MCPH1: variants seen among roughly 807,000 people sequenced by gnomAD.
MCPH1 encodes microcephalin.
Under a neutral mutation model 84.5 loss-of-function variants are expected in MCPH1, and 104 were observed. The observed-to-expected ratio is 1.23, with a 90% CI of 1.05 to 1.45. The LOEUF (loss-of-function observed/expected upper bound fraction) is 1.45. MCPH1 is among the 40% of genes most tolerant of loss of function. MCPH1 has a pLI of 0.00. For missense variants in MCPH1, 1,498 were observed against 1,005.7 expected (o/e 1.49, Z -6.62); for synonymous variants, 514 against 366.8 (o/e 1.40, Z -4.58).
At chr8:6,602,182 CT>C (rs1829423464) in intron 12 of MCPH1, among the ~76,000 whole-genome samples, 1 of 152,216 alleles carries the variant, frequency 6.6e-6, no homozygotes, top group African/African-American at 2.4e-5. Flanking sequence ...AGCAGAAAGA[CT>C]TAGGAAGGGT....
chr8:6,640,081 TGTGTGTGTGTGTGTGTGCGCGCGC>T (rs975357886), intron 13 of MCPH1, among the ~76,000 whole-genome samples: 17 of 144,586 alleles, frequency 1.2e-4, no homozygotes, highest in Non-Finnish European at 1.5e-4. Flanking sequence ...TGTGTGTGTG[TGTGTGTGTGTGTGTGTGCGCGCGC>T]GTGTGTGTGT....
intron 12 of MCPH1, among the ~76,000 whole-genome samples, chr8:6,583,464 G>A (rs757463198): frequency 6.6e-6 from 1 of 152,356 alleles, no homozygotes; most frequent in East Asian, 1.9e-4. Context: ...TGCCATCTGG[G>A]ATGTGCATGT....
intron 12 of MCPH1, among the ~76,000 whole-genome samples, chr8:6,596,850 C>T (rs991887438): frequency 6.6e-6 from 1 of 152,130 alleles, no homozygotes; most frequent in Non-Finnish European, 1.5e-5. Flanking sequence ...CATTATTGAC[C>T]ATGAAATAGC....
At chr8:6,601,781 C>A (rs1829395212) in intron 12 of MCPH1, among the ~76,000 whole-genome samples, 1 of 151,342 alleles carries the variant, frequency 6.6e-6, no homozygotes, top group South Asian at 2.1e-4. Flanking sequence ...AATCACGTAC[C>A]ACATATACCC....
chr8:6,638,371 T>C (rs937099272), intron 13 of MCPH1, among the ~76,000 whole-genome samples: 5 of 152,142 alleles, frequency 3.3e-5, no homozygotes, highest in African/African-American at 1.2e-4. Flanking sequence ...CTTGAACTTC[T>C]GTACATTGTA....
chr8:6,563,037 A>G (rs781254981), intron 12 of MCPH1: 39 of 1,303,280 alleles, frequency 3.0e-5, no homozygotes, highest in Non-Finnish European at 3.1e-5. Context: ...CTACGCTGCC[A>G]TGGCTGGGTC....
At chr8:6,446,195 A>G (rs774844761) in intron 8 of MCPH1, 74 of 896,890 alleles carry the variant, frequency 8.3e-5, no homozygotes, top group Middle Eastern at 5.7e-4. Context: ...ATAATAAACC[A>G]TATCATTTTA....
chr8:6,476,157 G>A (rs189336324), intron 9 of MCPH1, among the ~76,000 whole-genome samples: 57 of 152,212 alleles, frequency 3.7e-4, no homozygotes, highest in Admixed American at 7.2e-4. Flanking sequence ...GGCCAGGCGC[G>A]GTGGCTCACC....
At chr8:6,455,531 G>A (rs559555391) in intron 9 of MCPH1, among the ~76,000 whole-genome samples, 4 of 152,160 alleles carry the variant, frequency 2.6e-5, no homozygotes, top group Non-Finnish European at 5.9e-5. Flanking sequence ...AATGTTGGTT[G>A]TGCCAGTGTT....
intron 12 of MCPH1, among the ~76,000 whole-genome samples, chr8:6,613,016 G>C (rs751146624): frequency 2.6e-5 from 4 of 152,252 alleles, no homozygotes; most frequent in Non-Finnish European, 5.9e-5. Flanking sequence ...AGGAAGACCT[G>C]ATGGAGCGTG....
intron 8 of MCPH1, among the ~76,000 whole-genome samples, chr8:6,448,062 A>C (rs1804653993): frequency 6.6e-6 from 1 of 152,154 alleles, no homozygotes; most frequent in Non-Finnish European, 1.5e-5. Context: ...GGTGCTCTTC[A>C]AGTTTGTGGG....
chr8:6,420,532 T>C (rs1403372924), intron 3 of MCPH1, among the ~76,000 whole-genome samples: 1 of 152,188 alleles, frequency 6.6e-6, no homozygotes, highest in African/African-American at 2.4e-5. Context: ...TGCTTTTTTT[T>C]CGGGGAGGGA....
chr8:6,524,036 C>T (rs552338447), intron 12 of MCPH1, among the ~76,000 whole-genome samples: 12 of 152,148 alleles, frequency 7.9e-5, no homozygotes, highest in African/African-American at 2.4e-4. Flanking sequence ...TTGTACAAGG[C>T]CAGTAAATAA....
At chr8:6,617,977 G>C (rs1441942542) in intron 12 of MCPH1, among the ~76,000 whole-genome samples, 1 of 147,508 alleles carries the variant, frequency 6.8e-6, no homozygotes, top group Admixed American at 6.8e-5. Context: ...TGCCTATGTT[G>C]CCCAGGCTGG....
chr8:6,513,799 CAA>C, intron 12 of MCPH1: 1 of 1,613,892 alleles, frequency 6.2e-7, no homozygotes. Context: ...AGTTGCGAAA[CAA>C]ACTCATTTCC....
intron 12 of MCPH1, among the ~76,000 whole-genome samples, chr8:6,544,958 G>A (rs1822293506): frequency 6.6e-6 from 1 of 152,168 alleles, no homozygotes; most frequent in South Asian, 2.1e-4. Context: ...ATTTTTAAAT[G>A]TTGCTCCATG....
At chr8:6,483,296 G>A (rs1241164559) in intron 11 of MCPH1, among the ~76,000 whole-genome samples, 1 of 152,148 alleles carries the variant, frequency 6.6e-6, no homozygotes, top group Non-Finnish European at 1.5e-5. Context: ...AAATCTCAGT[G>A]GACTCTTTCA....
chr8:6,604,278 G>A (rs946839193), intron 12 of MCPH1, among the ~76,000 whole-genome samples: 1 of 152,156 alleles, frequency 6.6e-6, no homozygotes, highest in Non-Finnish European at 1.5e-5. Flanking sequence ...CTGGAGGCCG[G>A]CAATGTGCTT....
chr8:6,637,101 A>C (rs1304066465), intron 13 of MCPH1, among the ~76,000 whole-genome samples: 2 of 152,252 alleles, frequency 1.3e-5, no homozygotes, highest in African/African-American at 4.8e-5. Flanking sequence ...CAGGTCATTC[A>C]TTCATTTACC....
Sources: allele counts gnomAD v4.1 joint callset (sites outside exome capture counted in the v4.1 genomes callset), GRCh38; gene constraint gnomAD v4.1.1; transcripts MANE v1.5; gene names NCBI Gene and HGNC (gene_info 2026-07-23, HGNC 2026-07-21).